Variants in ACE observed in about 807,000 individuals in gnomAD.
ACE encodes angiotensin I converting enzyme, also known as angiotensin-converting enzyme.
In ACE, 122 loss-of-function variants were observed where a neutral mutation model predicts 162.3. The ratio of observed to expected loss-of-function variants is 0.75; its 90% CI spans 0.65 to 0.87. ACE has a LOEUF of 0.87. Among genes scored for constraint, ACE ranks in the 40% least tolerant of loss-of-function variants. ACE has a pLI of 0.00. For synonymous variants in ACE, 796 were observed against 720.6 expected (o/e 1.10, Z -1.68); for missense variants, 1,799 against 1,735.1 (o/e 1.04, Z -0.65).
intron 19 of ACE, among the ~76,000 whole-genome samples, chr17:63,492,238 C>A (rs908613539): frequency 6.6e-6 from 1 of 152,230 alleles, no homozygotes; most frequent in Non-Finnish European, 1.5e-5. Flanking sequence ...CAACTACTGA[C>A]GCAGCCAGTT....
chr17:63,477,538 T>A, intron 1 of ACE, 195 bp downstream of exon 1: 2 of 309,120 alleles, frequency 6.5e-6, no homozygotes, highest in Non-Finnish European at 1.0e-5. Context: ...CATGCACGAG[T>A]TGGATGGATG....
Position 63,494,437 on chromosome 17 carries a change from A to G in ACE, c.3347A>G (p.Lys1116Arg). Residue 1116 changes from lysine (K) to arginine (R), a missense_variant, in exon 22 of 25, where the codon AAG becomes AGG. By Grantham distance (26) the Lys-to-Arg change is conservative. Coordinates refer to ENST00000290866, the MANE Select transcript of ACE (RefSeq NM_000789.4). ...RTQGDFDPGAKFHIPSSVPYI... is the reference protein window; with the variant it reads ...RTQGDFDPGARFHIPSSVPYI... ...CAAGGTGACTTTGACCCAGGGGCCAAGTTCCACATTCCTTCTAGCGTGCCT... is the reference window on the plus strand; with the variant it reads ...CAAGGTGACTTTGACCCAGGGGCCAGGTTCCACATTCCTTCTAGCGTGCCT... 1 of 1,614,148 alleles carries G rather than the reference A, an allele frequency of 6.2e-7. No individual in the cohort carries two copies.
intron 17 of ACE, chr17:63,489,764 G>A (rs1191651273): frequency 3.8e-5 from 6 of 158,606 alleles, no homozygotes; most frequent in Non-Finnish European, 8.4e-5. Flanking sequence ...TCCTGGAGCA[G>A]AGAGACCAGA....
At chr17:63,479,674 G>A (rs1405265000) in intron 3 of ACE, 95 bp from the exon 4 acceptor site, 19 of 1,530,790 alleles carry the variant, frequency 1.2e-5, no homozygotes, top group African/African-American at 2.7e-5. Context: ...CAGGAAGCTG[G>A]TGGGAGCAGT....
chr17:63,489,195 G>T, intron 17 of ACE, 63 bp downstream of exon 17: 1 of 1,566,270 alleles, frequency 6.4e-7, no homozygotes. Flanking sequence ...TGAGGGTTGG[G>T]ACAGGGCTGA....
rs199591851 is a variant in ACE, at chr17:63,481,106, A to G, written c.863A>G (p.Gln288Arg). 556 of 1,613,784 alleles carry G rather than the reference A, an allele frequency of 3.4e-4. 1 individual carries two copies. Among genetic ancestry groups the G allele is most frequent in the Non-Finnish European group, 2.5e-5 (29 of 1,179,906 alleles). Residue 288 changes from glutamine (Q) to arginine (R), a missense_variant, in exon 6 of 25, where the codon CAG (glutamine) becomes CGG (arginine). Transcript: ENST00000290866. ...CCTTATCTAGGAGACATGTGGGCCC[A>G]GAGCTGGGAAAACATCTACGACATG... is the stretch of plus-strand genomic sequence containing the variant. Reference protein sequence around the residue: ...PAHLLGDMWAQSWENIYDMVV... With the variant: ...PAHLLGDMWARSWENIYDMVV...
chr17:63,480,976 A>C (rs2049697633), intron 5 of ACE, 115 bp from the exon 6 acceptor site: 3 of 982,518 alleles, frequency 3.1e-6, no homozygotes, highest in Non-Finnish European at 4.9e-6. Context: ...CCAGGCCTGC[A>C]GCCCTTGAGG....
Position 63,484,247 on chromosome 17 carries a change from T to C in ACE, c.1710-83T>C. ...TCTGCAGTCCATTGGGGGGCGGAAG[T>C]GGCCAGGGGCATGTGGGCCGGGGTC... On this transcript the variant is annotated intron_variant, in intron 11 of 24. Coordinates refer to ENST00000290866, the MANE Select transcript of ACE (RefSeq NM_000789.4). The surrounding 1 kb of genome is among the most constrained non-coding windows in gnomAD (Gnocchi z 4.0). 6.8e-7 allele frequency: 1 copy of C among 1,460,874 alleles called. No homozygotes were observed. Among genetic ancestry groups the C allele is most frequent in the South Asian group, 1.2e-5 (1 of 82,560 alleles). 90.5% of individuals were successfully genotyped at this position (1,460,874 alleles called of 1,614,324 possible).
Position 63,477,116 on chromosome 17 carries a change from C to CG in ACE, c.27dup (p.Pro10AlafsTer33). 7.5e-7 allele frequency: 1 copy of CG among 1,335,088 alleles called. No homozygotes were observed. 82.7% of individuals were successfully genotyped at this position (1,335,088 alleles called of 1,614,324 possible). ...CGTCATGGGGGCCGCCTCGGGCCGCCGGGGGCCGGGGCTGCTGCTGCCGCT... is the reference window on the plus strand; with the variant it reads ...CGTCATGGGGGCCGCCTCGGGCCGCCGGGGGGCCGGGGCTGCTGCTGCCGCT... On this transcript the variant is annotated frameshift_variant, in exon 1 of 25. Coordinates refer to ENST00000290866, the MANE Select transcript of ACE (RefSeq NM_000789.4). LOFTEE classifies it high-confidence loss of function.
chr17:63,478,115 G>A lies in ACE; in HGVS notation c.417+17G>A, dbSNP rs541197581. 8.9e-6 allele frequency: 14 copies of A among 1,565,836 alleles called. No homozygotes were observed. The African/African-American group carries it at 1.1e-4, about 12-fold the overall frequency. On this transcript the variant is annotated intron_variant, in intron 2 of 24. Coordinates refer to ENST00000290866, the MANE Select transcript of ACE (RefSeq NM_000789.4). Reference sequence around the variant, plus strand: ...CGGCAGCAGGTGGGCTGAGGGCTGAGGCAGAGCTCGGGGGCGGCCTCCTAG... The same window carrying A: ...CGGCAGCAGGTGGGCTGAGGGCTGAAGCAGAGCTCGGGGGCGGCCTCCTAG...
chr17:63,477,403 G>C, intron 1 of ACE, 60 bp downstream of exon 1: 1 of 1,172,788 alleles, frequency 8.5e-7, no homozygotes, highest in Non-Finnish European at 1.1e-6. Flanking sequence ...CACAGCACGC[G>C]GCCGGCTTGT....
At position 63,494,084 on chromosome 17, in the gene ACE, C is replaced by T. The variant is rs367889966; in HGVS notation, c.3281+18C>T. 69 of 1,613,540 alleles carry T rather than the reference C, an allele frequency of 4.3e-5. No individual in the cohort carries two copies. The East Asian group carries it at 9.1e-4, about 21-fold the overall frequency. ...AGCCTCAGGTTCTGGAACACTCCCA[C>T]GGGATGCGGGCTGGGGGATCTCTGC... On this transcript the variant is annotated intron_variant, in intron 21 of 24. Coordinates refer to ENST00000290866, the MANE Select transcript of ACE (RefSeq NM_000789.4).
intron 22 of ACE, 69 bp downstream of exon 22, chr17:63,494,539 A>G (rs1420201318): frequency 1.4e-5 from 19 of 1,391,650 alleles, no homozygotes; most frequent in African/African-American, 2.8e-5. Flanking sequence ...AACTGCGGCC[A>G]CTGCCCGGTC....
intron 15 of ACE, among the ~76,000 whole-genome samples, chr17:63,487,767 A>G (rs1037856147): frequency 9.2e-5 from 14 of 152,290 alleles, no homozygotes; most frequent in Middle Eastern, 3.4e-3. Context: ...TTGAGGCATA[A>G]ACTTGCTTCC....
chr17:63,496,215 C>A, intron 22 of ACE, 179 bp from the exon 23 acceptor site: 1 of 859,240 alleles, frequency 1.2e-6, no homozygotes, highest in East Asian at 2.5e-5. Flanking sequence ...TCAGACAATG[C>A]TAAGAGCTGG....
chr17:63,491,258 C>T lies in ACE; in HGVS notation c.2789C>T (p.Ser930Phe), dbSNP rs1231385013. Residue 930 changes from serine to phenylalanine, a missense_variant, in exon 19 of 25, where the codon TCC (serine) becomes TTC (phenylalanine). Transcript: ENST00000290866. The surrounding 1 kb of genome is among the most constrained non-coding windows in gnomAD (Gnocchi z 4.4). The stretch of plus-strand genomic sequence containing the variant: ...AAGGAGGCTGATGATTTCTTCACCT[C>T]CCTGGGGCTGCTGCCCGTGCCTCCT... ...MFKEADDFFT[S>F]LGLLPVPPEF... 1 of 1,614,172 alleles carries T rather than the reference C, an allele frequency of 6.2e-7. No individual in the cohort carries two copies. The highest frequency in any genetic ancestry group is 8.5e-7 in the Non-Finnish European group (1 of 1,180,036).
chr17:63,477,126 GGCT>G lies in ACE; in HGVS notation c.41_43del (p.Leu14del). On this transcript the variant is annotated inframe_deletion, in exon 1 of 25. Transcript: ENST00000290866. ...GCCGCCTCGGGCCGCCGGGGGCCGG[GGCT>G]GCTGCTGCCGCTGCCGCTGCTGTTG... 1 of 1,402,196 alleles carries G rather than the reference GGCT, an allele frequency of 7.1e-7. No homozygotes were observed. Among genetic ancestry groups the G allele is most frequent in the Non-Finnish European group, 9.3e-7 (1 of 1,078,998 alleles). 86.9% of individuals were successfully genotyped at this position (1,402,196 alleles called of 1,614,324 possible).
Position 63,486,790 on chromosome 17 carries a change from C to T in ACE, c.2217+75C>T. On this transcript the variant is annotated intron_variant, in intron 14 of 24. Coordinates refer to ENST00000290866, the MANE Select transcript of ACE (RefSeq NM_000789.4). Reference sequence around the variant, plus strand: ...CCAACACAGGGTCTGGCCTGGCCTTCACGCTGCTTCCTCTTCCTCGTTGTA... The same window carrying T: ...CCAACACAGGGTCTGGCCTGGCCTTTACGCTGCTTCCTCTTCCTCGTTGTA... 3 of 1,582,884 alleles carry T rather than the reference C, an allele frequency of 1.9e-6. No individual in the cohort carries two copies. In the South Asian group the frequency reaches 3.3e-5, roughly 18 times the overall value.
chr17:63,477,464 C>A (rs2049636497), intron 1 of ACE, 121 bp downstream of exon 1: 1 of 807,692 alleles, frequency 1.2e-6, no homozygotes, highest in Non-Finnish European at 1.6e-6. Context: ...GACCCCGGAC[C>A]CTCGCCCCGA....
Sources: allele counts gnomAD v4.1 joint callset (sites outside exome capture counted in the v4.1 genomes callset), GRCh38; gene constraint gnomAD v4.1.1; non-coding constraint Gnocchi (gnomAD v3.1); transcripts MANE v1.5; gene names NCBI Gene and HGNC (gene_info 2026-07-23, HGNC 2026-07-21).